AREL1: variants seen among roughly 807,000 people sequenced by gnomAD.
AREL1 encodes the protein apoptosis-resistant E3 ubiquitin protein ligase 1.
A neutral mutation model predicts 99.0 loss-of-function variants in AREL1; 62 were observed. That is an observed-to-expected ratio of 0.63 (90% confidence interval 0.51 to 0.77). AREL1 has a LOEUF of 0.77. Ranked by LOEUF, AREL1 falls within the 30% of genes least tolerant of loss-of-function variation. The probability of loss-of-function intolerance (pLI) is 0.00; values close to 1 mark genes in which losing one functional copy is unlikely to be tolerated. For synonymous variants in AREL1, 380 were observed against 376.5 expected (o/e 1.01, Z -0.11); for missense variants, 879 against 1,027.6 (o/e 0.86, Z 1.98).
rs1250356097 is a variant in AREL1, at chr14:74,671,498, A to G, written c.1423-15T>C. ...GCTTTCAGAGACTGAAAAGAAGTGA[A>G]AGGAAGGGAATTGTCAGAACACTGG... is the stretch of plus-strand genomic sequence containing the variant. On this transcript the variant is annotated splice_polypyrimidine_tract_variant and intron_variant, in intron 11 of 19. Transcript: ENST00000356357. 6.4e-7 allele frequency: 1 copy of G among 1,565,840 alleles called. No homozygotes were observed. Among genetic ancestry groups the G allele is most frequent in the East Asian group, 2.3e-5 (1 of 43,338 alleles).
intron 1 of AREL1, chr14:74,698,857 CTA>C: frequency 9.1e-6 from 1 of 110,228 alleles, no homozygotes; most frequent in African/African-American, 4.6e-5. Flanking sequence ...GATCCCATCT[CTA>C]AAAAAAAAAA....
Position 74,683,527 on chromosome 14 carries a change from A to G in AREL1, c.250T>C (p.Tyr84His). The G allele has an allele frequency of 6.2e-7, 1 of 1,614,044 alleles. No individual in the cohort carries two copies. ...GCAGGGAAAGGCTGCCCGTTCTTAT[A>G]GAATAACTGCCATGGGGAGAAGAAG... ...HSMAFRVHLF[Y>H]KNGQPFPAHR... The change falls in exon 5 of 20, where the codon TAT becomes CAT. Residue 84 changes from tyrosine to histidine, a missense_variant. Physicochemically the swap from Tyr to His is moderately conservative, Grantham distance 83. Transcript: ENST00000356357.
intron 1 of AREL1, among the ~76,000 whole-genome samples, chr14:74,710,588 A>AT (rs2090261687): frequency 6.6e-6 from 1 of 152,056 alleles, no homozygotes; most frequent in South Asian, 2.1e-4. Context: ...TCACCAAGAG[A>AT]TACATCAAAA....
At chr14:74,701,070 G>A (rs1294578400) in intron 1 of AREL1, among the ~76,000 whole-genome samples, 2 of 152,126 alleles carry the variant, frequency 1.3e-5, no homozygotes, top group East Asian at 1.9e-4. Context: ...GGTGGCCAGG[G>A]CTTAGGGTGC....
intron 1 of AREL1, among the ~76,000 whole-genome samples, chr14:74,712,452 GGT>G (rs2090330503): frequency 6.6e-6 from 1 of 152,122 alleles, no homozygotes; most frequent in Admixed American, 6.5e-5. Flanking sequence ...ATACATAGCA[GGT>G]ACTCAAAGAA....
chr14:74,701,632 A>T (rs930185222), intron 1 of AREL1: 3 of 152,174 alleles, frequency 2.0e-5, no homozygotes, highest in African/African-American at 7.2e-5. Context: ...AAACCATATC[A>T]TTCCACCCCG....
At chr14:74,690,085 T>C (rs1182445446) in intron 2 of AREL1, among the ~76,000 whole-genome samples, 1 of 151,638 alleles carries the variant, frequency 6.6e-6, no homozygotes, top group African/African-American at 2.4e-5. Flanking sequence ...TCACCTCTAC[T>C]AAAACTTGAA....
intron 1 of AREL1, among the ~76,000 whole-genome samples, chr14:74,694,380 A>T (rs2089940427): frequency 6.6e-6 from 1 of 152,200 alleles, no homozygotes; most frequent in African/African-American, 2.4e-5. Flanking sequence ...ACATAGGGAA[A>T]TGCTTACAAA....
intron 1 of AREL1, among the ~76,000 whole-genome samples, chr14:74,694,175 A>T (rs2089936260): frequency 6.6e-6 from 1 of 150,554 alleles, no homozygotes; most frequent in Non-Finnish European, 1.5e-5. Context: ...ACCCAGTCTC[A>T]AAATAAATAA....
chr14:74,692,787 T>A (rs2089909809), intron 1 of AREL1, among the ~76,000 whole-genome samples: 1 of 152,208 alleles, frequency 6.6e-6, no homozygotes, highest in Admixed American at 6.5e-5. Context: ...CACTGCAGCC[T>A]TGACCTCCTG....
chr14:74,664,035 G>A lies in AREL1; in HGVS notation c.2233C>T (p.Gln745Ter). 1 of 1,614,052 alleles carries A rather than the reference G, an allele frequency of 6.2e-7. No homozygotes were observed. The highest frequency in any genetic ancestry group is 2.2e-5 in the East Asian group (1 of 44,868). ...TGAAGTAGCCGAGCCAACTCCTCCT[G>A]GGTCAGACTGGAAACCACAGTCCAA... Reference protein sequence around the residue: ...WFWTVVSSLTQEELARLLQFT... With the variant: ...WFWTVVSSLT The change falls in exon 19 of 20, where the codon CAG (glutamine) becomes TAG (stop). Residue 745 changes from glutamine (Q) to a stop codon, truncating the protein, a stop_gained. Transcript: ENST00000356357. LOFTEE classifies it high-confidence loss of function.
chr14:74,683,180 T>C, intron 5 of AREL1, 116 bp downstream of exon 5: 1 of 750,926 alleles, frequency 1.3e-6, no homozygotes, highest in African/African-American at 1.8e-5. Context: ...AAAGGATGAA[T>C]TTTATGGCAT....
chr14:74,665,579 C>T (rs1201916755), intron 17 of AREL1, among the ~76,000 whole-genome samples: 1 of 152,116 alleles, frequency 6.6e-6, no homozygotes, highest in Non-Finnish European at 1.5e-5. Context: ...TTGTCAATGA[C>T]CTTTCCTTTT....
chr14:74,672,666 T>C (rs996653302), intron 11 of AREL1, among the ~76,000 whole-genome samples, 165 bp downstream of exon 11: 2 of 152,082 alleles, frequency 1.3e-5, no homozygotes, highest in Non-Finnish European at 2.9e-5. Context: ...CCCGGGAAGA[T>C]CGAGGCTGCA....
chr14:74,699,348 G>GGGGT lies in AREL1; in HGVS notation c.-333-7021_-333-7020insACCC, dbSNP rs1555360644. On this transcript the variant is annotated intron_variant, in intron 1 of 19. Coordinates refer to ENST00000356357, the MANE Select transcript of AREL1 (RefSeq NM_001039479.2). ...TGTCCCAGTCTAAGTGACAGTGAGGGGTGTGTGTGTGTGTGTGTGTGTGTG... is the reference window on the plus strand; with the variant it reads ...TGTCCCAGTCTAAGTGACAGTGAGGGGGGTGTGTGTGTGTGTGTGTGTGTGTGTG... Among the ~76,000 whole-genome samples, 459 of 143,542 alleles carry GGGGT rather than the reference G, an allele frequency of 3.2e-3. 4 individuals carry two copies. Among genetic ancestry groups the GGGGT allele is most frequent in the African/African-American group, 0.012 (444 of 37,798 alleles). 94.2% of individuals were successfully genotyped at this position (143,542 alleles called of 152,430 possible). A position where few individuals can be genotyped will look rare whatever the true frequency, so the allele number is the denominator to read the frequency against.
rs945727657 is a variant in AREL1 at position 74,675,559 on chromosome 14, A to T, written c.1080+140T>A. ...TTTATGCTAGCAAGAAATTTTTAAC[A>T]GTTGAAAGTGGCTTTCTATACAACT... On this transcript the variant is annotated intron_variant, in intron 8 of 19. Coordinates refer to ENST00000356357, the MANE Select transcript of AREL1 (RefSeq NM_001039479.2). The T allele has an allele frequency of 4.2e-6, 5 of 1,191,794 alleles. No homozygotes were observed. The Admixed American group carries it at 1.2e-4, about 30-fold the overall frequency. The allele number at this position is 1,191,794 out of a possible 1,614,324, so 73.8% of individuals were successfully genotyped here.
chr14:74,691,324 TAAAA>T (rs11407786), intron 2 of AREL1, among the ~76,000 whole-genome samples: 1 of 72,806 alleles, frequency 1.4e-5, no homozygotes, highest in Non-Finnish European at 2.4e-5. Flanking sequence ...TGTCTCCATT[TAAAA>T]AAAAAAAAAA....
chr14:74,677,940 T>C (rs1190129732), intron 5 of AREL1, among the ~76,000 whole-genome samples: 1 of 149,482 alleles, frequency 6.7e-6, no homozygotes, highest in Non-Finnish European at 1.5e-5. Flanking sequence ...TTGGAAGAAA[T>C]AAAACAAAAA....
At chr14:74,693,645 A>G (rs183901695) in intron 1 of AREL1, among the ~76,000 whole-genome samples, 20 of 152,358 alleles carry the variant, frequency 1.3e-4, no homozygotes, top group Non-Finnish European at 8.8e-5. Flanking sequence ...TGGGACACAG[A>G]AAGGTTAAAG....
Sources: gnomAD v4.1 joint callset for allele counts (sites outside exome capture counted in the v4.1 genomes callset) on GRCh38, gnomAD v4.1.1 for gene constraint, MANE v1.5 for transcripts, NCBI Gene and HGNC (gene_info 2026-07-23, HGNC 2026-07-21) for gene names.